ZNF600: variants seen among roughly 807,000 people sequenced by gnomAD.
ZNF600 encodes zinc finger protein 600, also known as zinc finger protein KR-ZNF1.
A neutral mutation model predicts 7.3 loss-of-function variants in ZNF600; 4 were observed. That is an observed-to-expected ratio of 0.55 (90% CI 0.27 to 1.25). ZNF600 has a LOEUF of 1.25. Among genes scored for constraint, ZNF600 ranks in the 50% most tolerant of loss-of-function variants. The pLI, the probability that ZNF600 is intolerant of heterozygous loss-of-function variation, is 0.12. For synonymous variants in ZNF600, 290 were observed against 308.9 expected (o/e 0.94, Z 0.64); for missense variants, 911 against 922.1 (o/e 0.99, Z 0.16).
intron 2 of ZNF600, among the ~76,000 whole-genome samples, chr19:52,774,957 G>T (rs1188399352): frequency 6.6e-6 from 1 of 152,066 alleles, no homozygotes; most frequent in Non-Finnish European, 1.5e-5. Context: ...AGGAAACACA[G>T]GGCCAGGCAT....
Position 52,781,302 on chromosome 19 carries a change from G to A in ZNF600, c.-19-2395C>T, listed in dbSNP as rs778972849. The A allele has an allele frequency of 2.0e-5, 3 of 151,990 alleles. No homozygotes were observed. Among genetic ancestry groups the A allele is most frequent in the South Asian group, 2.1e-4 (1 of 4,814 alleles). 9.4% of individuals were successfully genotyped at this position (151,990 alleles called of 1,614,324 possible). On this transcript the variant is annotated intron_variant, in intron 1 of 3. Transcript: ENST00000648973. ...TCAGTGTCACTGACTGAGCTTTTCC[G>A]GTCTTATTCCTCACCTCTATGTTAC...
At chr19:52,810,754 G>GC in the ZNF600 span, 2 of 533,230 alleles carry the variant, frequency 3.8e-6, no homozygotes, top group Non-Finnish European at 3.2e-6. Context: ...GGAAAGAAGG[G>GC]GAAAAAAAAA....
At chr19:52,792,460 T>G in the ZNF600 span, among the ~76,000 whole-genome samples, 1 of 152,096 alleles carries the variant, frequency 6.6e-6, no homozygotes, top group East Asian at 1.9e-4. Context: ...CAGTGGTTCA[T>G]GCCTGTAATC....
At chr19:52,783,092 G>A (rs576506893) in intron 1 of ZNF600, among the ~76,000 whole-genome samples, 2 of 147,196 alleles carry the variant, frequency 1.4e-5, no homozygotes, top group East Asian at 2.0e-4. Context: ...GATCCACAAG[G>A]AATGAGTCAA....
chr19:52,810,714 A>G, the ZNF600 span: 2 of 775,336 alleles, frequency 2.6e-6, no homozygotes, highest in Middle Eastern at 2.3e-4. Flanking sequence ...ACTAAAAAAA[A>G]TGTGTATTAG....
chr19:52,823,372 C>A, the ZNF600 span, among the ~76,000 whole-genome samples: 1 of 152,042 alleles, frequency 6.6e-6, no homozygotes, highest in African/African-American at 2.4e-5. Context: ...CGCCACCATG[C>A]CTGGCTAATG....
the ZNF600 span, among the ~76,000 whole-genome samples, chr19:52,823,199 C>CT: frequency 6.3e-3 from 959 of 152,030 alleles, 12 homozygotes; most frequent in African/African-American, 0.021. Flanking sequence ...TTTTATTGCA[C>CT]TTTTTGTTTT....
chr19:52,801,029 C>G, the ZNF600 span: 1 of 1,614,056 alleles, frequency 6.2e-7, no homozygotes, highest in Non-Finnish European at 8.5e-7. Context: ...ACTCATTACA[C>G]TTGTAAGGTT....
At chr19:52,766,649 G>A (rs780268622) in exon 4 of ZNF600, 4 of 1,613,846 alleles carry the variant, frequency 2.5e-6, no homozygotes, top group Admixed American at 1.7e-5. Context: ...GGGATGACTT[G>A]TGACTGAAGG....
chr19:52,813,905 G>C, the ZNF600 span, among the ~76,000 whole-genome samples: 3 of 146,068 alleles, frequency 2.1e-5, no homozygotes, highest in Non-Finnish European at 4.4e-5. Flanking sequence ...GAGGAAGTGG[G>C]AACAGGGAGG....
intron 1 of ZNF600, 52 bp from the exon 4 acceptor site, chr19:52,778,959 C>A (rs961189271): frequency 4.6e-6 from 7 of 1,523,012 alleles, no homozygotes; most frequent in Non-Finnish European, 6.2e-6. Flanking sequence ...CACTCCCATC[C>A]TGTGACAAAA....
chr19:52,818,870 T>C, the ZNF600 span, among the ~76,000 whole-genome samples: 1 of 120,238 alleles, frequency 8.3e-6, no homozygotes, highest in African/African-American at 3.7e-5. Context: ...GAGGACAGAA[T>C]GAGAGTCTGT....
the ZNF600 span, chr19:52,801,215 CAT>C: frequency 2.6e-3 from 4,236 of 1,614,140 alleles, 114 homozygotes; most frequent in East Asian, 0.055. Context: ...ATTTTTCTCT[CAT>C]GTGTACATTC....
At chr19:52,818,081 C>G in the ZNF600 span, 1 of 1,489,152 alleles carries the variant, frequency 6.7e-7, no homozygotes, top group South Asian at 1.2e-5. Flanking sequence ...CACATCCCCT[C>G]CCTGTAACAC....
chr19:52,792,307 A>G, the ZNF600 span, among the ~76,000 whole-genome samples: 1 of 152,310 alleles, frequency 6.6e-6, no homozygotes, highest in South Asian at 2.1e-4. Context: ...ATCACTAAGC[A>G]AAAAGGAAAA....
the ZNF600 span, chr19:52,800,861 T>C: frequency 4.3e-6 from 7 of 1,613,984 alleles, no homozygotes; most frequent in South Asian, 7.7e-5. Flanking sequence ...AAACCTTACA[T>C]TTGTATGGTT....
the ZNF600 span, among the ~76,000 whole-genome samples, chr19:52,826,952 TTGGGAGGCTGAAA>T: frequency 3.2e-3 from 487 of 151,968 alleles, 5 homozygotes; most frequent in African/African-American, 0.011. Flanking sequence ...TCTCAGCAAT[TTGGGAGGCTGAAA>T]TGGGAGGCTG....
chr19:52,824,385 G>A, the ZNF600 span, among the ~76,000 whole-genome samples: 7 of 151,928 alleles, frequency 4.6e-5, no homozygotes, highest in Non-Finnish European at 7.4e-5. Flanking sequence ...CTGCAATCCC[G>A]GCACTTTGGG....
chr19:52,804,164 T>C, the ZNF600 span, among the ~76,000 whole-genome samples: 12 of 152,196 alleles, frequency 7.9e-5, no homozygotes, highest in African/African-American at 1.9e-4. Flanking sequence ...AGCAGGAATA[T>C]GGCTGGTCTA....
Sources: allele counts gnomAD v4.1 joint callset (sites outside exome capture counted in the v4.1 genomes callset), GRCh38; gene constraint gnomAD v4.1.1; transcripts MANE v1.5; gene names NCBI Gene and HGNC (gene_info 2026-07-23, HGNC 2026-07-21).